The following NBEA variants were observed in gnomAD, a reference collection of about 807,000 sequenced individuals.
The protein encoded by NBEA is lysosomal-trafficking regulator 2.
Under a neutral mutation model 343.4 loss-of-function variants are expected in NBEA, and 44 were observed. The observed-to-expected ratio is 0.13, with a 90% confidence interval of 0.10 to 0.16. The LOEUF is 0.16. NBEA is among the 10% of genes least tolerant of loss of function. The probability of loss-of-function intolerance (pLI) is 1.00; values close to 1 mark genes in which losing one functional copy is unlikely to be tolerated. For synonymous variants in NBEA, 1,175 were observed against 1,238.7 expected (o/e 0.95, Z 1.08); for missense variants, 2,555 against 3,631.3 (o/e 0.70, Z 7.62).
intron 38 of NBEA, among the ~76,000 whole-genome samples, chr13:35,423,614 G>A (rs566087872): frequency 6.6e-6 from 1 of 152,268 alleles, no homozygotes; most frequent in East Asian, 1.9e-4. Flanking sequence ...TTTGGCTTAG[G>A]ATTGACTTGG....
intron 41 of NBEA, among the ~76,000 whole-genome samples, chr13:35,496,922 A>C (rs1343525641): frequency 6.6e-6 from 1 of 152,016 alleles, no homozygotes; most frequent in African/African-American, 2.4e-5. Context: ...ATATTATTGC[A>C]CAACTTCCTT....
intron 57 of NBEA, among the ~76,000 whole-genome samples, chr13:35,667,992 T>C (rs1187857151): frequency 6.6e-6 from 1 of 152,234 alleles, no homozygotes; most frequent in Non-Finnish European, 1.5e-5. Context: ...TATTAAACAC[T>C]GTTTTGAAAT....
At chr13:35,570,915 G>A (rs1276834054) in intron 45 of NBEA, among the ~76,000 whole-genome samples, 1 of 152,114 alleles carries the variant, frequency 6.6e-6, no homozygotes, top group Non-Finnish European at 1.5e-5. Flanking sequence ...CCACTAAGAA[G>A]CACATGAAGT....
At chr13:35,082,038 G>A (rs184039547) in intron 10 of NBEA, among the ~76,000 whole-genome samples, 19 of 152,146 alleles carry the variant, frequency 1.2e-4, no homozygotes, top group Middle Eastern at 6.8e-3. Flanking sequence ...TTTAACATTA[G>A]GTATATCTCC....
At chr13:35,388,162 C>T (rs1373846408) in intron 38 of NBEA, among the ~76,000 whole-genome samples, 1 of 151,736 alleles carries the variant, frequency 6.6e-6, no homozygotes, top group Non-Finnish European at 1.5e-5. Context: ...ATCTTAACAT[C>T]GAATATAAAT....
At chr13:35,626,887 C>T (rs1414264545) in intron 48 of NBEA, among the ~76,000 whole-genome samples, 2 of 152,044 alleles carry the variant, frequency 1.3e-5, no homozygotes, top group Non-Finnish European at 2.9e-5. Context: ...CATAAAATGT[C>T]ATTGTTTACA....
chr13:35,334,306 G>A (rs1030367453), intron 36 of NBEA, among the ~76,000 whole-genome samples: 7 of 152,074 alleles, frequency 4.6e-5, no homozygotes, highest in Middle Eastern at 3.2e-3. Flanking sequence ...GTCTCACCAA[G>A]TCACCCAGGC....
intron 26 of NBEA, among the ~76,000 whole-genome samples, chr13:35,172,844 G>A (rs532005252): frequency 2.1e-4 from 32 of 152,004 alleles, no homozygotes; most frequent in African/African-American, 7.0e-4. Context: ...CTCAGGTCAC[G>A]GTCTGATTTC....
At chr13:35,511,544 A>G (rs1022185179) in intron 41 of NBEA, among the ~76,000 whole-genome samples, 4 of 152,172 alleles carry the variant, frequency 2.6e-5, no homozygotes, top group Non-Finnish European at 5.9e-5. Context: ...TTTGTTATCC[A>G]CACATCCAGT....
chr13:35,251,649 G>T (rs1472535573), intron 34 of NBEA: 2 of 914,258 alleles, frequency 2.2e-6, no homozygotes, highest in Non-Finnish European at 2.9e-6. Flanking sequence ...AAAAGGATGA[G>T]CAGCAGAAAG....
chr13:35,099,198 GT>G (rs760866538), intron 11 of NBEA, among the ~76,000 whole-genome samples: 1,631 of 113,840 alleles, frequency 0.014, 12 homozygotes, highest in Middle Eastern at 0.034. Context: ...CCTGGCTAAA[GT>G]TTTTTTTTTT....
At chr13:35,450,055 A>G (rs1019481316) in intron 39 of NBEA, among the ~76,000 whole-genome samples, 3 of 152,194 alleles carry the variant, frequency 2.0e-5, no homozygotes, top group Admixed American at 1.3e-4. Flanking sequence ...CCATTTTTTC[A>G]TATTTTAGCA....
At chr13:35,649,571 G>A in intron 51 of NBEA, 84 bp from the exon 52 acceptor site, 2 of 1,176,782 alleles carry the variant, frequency 1.7e-6, no homozygotes, top group Non-Finnish European at 2.5e-6. Context: ...AGCCTTGTCT[G>A]TTTAACCTCA....
chr13:35,253,494 G>A (rs1038247658), intron 34 of NBEA, among the ~76,000 whole-genome samples: 3 of 152,150 alleles, frequency 2.0e-5, no homozygotes, highest in African/African-American at 7.2e-5. Flanking sequence ...TTGCTTTATC[G>A]TGATACTTGC....
At chr13:35,498,872 T>G (rs2076782436) in intron 41 of NBEA, among the ~76,000 whole-genome samples, 1 of 152,098 alleles carries the variant, frequency 6.6e-6, no homozygotes, top group African/African-American at 2.4e-5. Flanking sequence ...AAACGACATA[T>G]ACTTTTCTGA....
intron 8 of NBEA, among the ~76,000 whole-genome samples, chr13:35,067,496 A>G (rs965382142): frequency 3.9e-5 from 6 of 152,126 alleles, no homozygotes; most frequent in Middle Eastern, 3.2e-3. Flanking sequence ...GTACAAGTCA[A>G]TTATTTTTTT....
intron 43 of NBEA, among the ~76,000 whole-genome samples, 168 bp downstream of exon 43, chr13:35,551,200 A>G (rs1175504358): frequency 6.6e-6 from 1 of 152,160 alleles, no homozygotes; most frequent in Non-Finnish European, 1.5e-5. Context: ...AGCTATTTTG[A>G]GAATGACAGA....
intron 48 of NBEA, among the ~76,000 whole-genome samples, chr13:35,623,735 G>A (rs1266630653): frequency 6.6e-6 from 1 of 152,012 alleles, no homozygotes; most frequent in East Asian, 1.9e-4. Context: ...TATTTAAAAT[G>A]TCAAAATTGA....
chr13:35,483,730 A>G (rs2076205790), intron 41 of NBEA, among the ~76,000 whole-genome samples: 1 of 152,070 alleles, frequency 6.6e-6, no homozygotes, highest in Non-Finnish European at 1.5e-5. Context: ...TACAATAGAA[A>G]TTTTAATGTT....
Sources: gnomAD v4.1 joint callset for allele counts (sites outside exome capture counted in the v4.1 genomes callset) on GRCh38, gnomAD v4.1.1 for gene constraint, MANE v1.5 for transcripts, NCBI Gene and HGNC (gene_info 2026-07-23, HGNC 2026-07-21) for gene names.